The following XKR4 variants were observed in gnomAD, a reference collection of about 807,000 sequenced individuals.
The protein encoded by XKR4 is XK-related protein 4.
A neutral mutation model predicts 53.9 loss-of-function variants in XKR4; 12 were observed. That is an observed-to-expected ratio of 0.22 (90% CI 0.14 to 0.36). XKR4 has a LOEUF of 0.36. Ranked by LOEUF, XKR4 falls within the 10% of genes least tolerant of loss-of-function variation. XKR4 has a pLI of 1.00. For synonymous variants in XKR4, 354 were observed against 362.4 expected (o/e 0.98, Z 0.26); for missense variants, 799 against 859.5 (o/e 0.93, Z 0.88).
chr8:55,207,410 T>C (rs1289923812), intron 1 of XKR4, among the ~76,000 whole-genome samples: 2 of 152,154 alleles, frequency 1.3e-5, no homozygotes, highest in Admixed American at 6.5e-5. Context: ...CCCTAATTAT[T>C]CCATTCATTC....
At chr8:55,152,952 G>C (rs11990385) in intron 1 of XKR4, among the ~76,000 whole-genome samples, 50,069 of 152,036 alleles carry the variant, frequency 0.33, 9,075 homozygotes, top group African/African-American at 0.49. Flanking sequence ...TCTGGTACCT[G>C]TTCTTTATAG....
At chr8:55,378,089 T>C (rs895268857) in intron 2 of XKR4, among the ~76,000 whole-genome samples, 2 of 152,214 alleles carry the variant, frequency 1.3e-5, no homozygotes, top group African/African-American at 2.4e-5. Flanking sequence ...ATGAACAGTG[T>C]GAATGTTGGG....
At chr8:55,504,171 T>TTTG (rs1312965215) in intron 2 of XKR4, among the ~76,000 whole-genome samples, 1 of 149,182 alleles carries the variant, frequency 6.7e-6, no homozygotes, top group African/African-American at 2.5e-5. Flanking sequence ...AGTTTTCTTT[T>TTTG]TTGTTGTTGT....
At chr8:55,502,486 T>C (rs913215732) in intron 2 of XKR4, among the ~76,000 whole-genome samples, 6 of 152,228 alleles carry the variant, frequency 3.9e-5, no homozygotes, top group Non-Finnish European at 7.3e-5. Flanking sequence ...CTTAGTGATG[T>C]TGAGTATCTT....
At chr8:55,255,497 G>A (rs150103791) in intron 1 of XKR4, among the ~76,000 whole-genome samples, 1 of 152,170 alleles carries the variant, frequency 6.6e-6, no homozygotes, top group Non-Finnish European at 1.5e-5. Context: ...ATTTCATGAA[G>A]GCGAAGACTG....
rs186575980 is a variant in XKR4, at chr8:55,203,191, C to T, written c.806+99897C>T. ...ATTGTCTGTAATAATAAAGCACTGG[C>T]CCGCCAAGCACGGCGCCTGTAACTT... On this transcript the variant is annotated intron_variant, in intron 1 of 2. Transcript: ENST00000327381. Among the ~76,000 whole-genome samples the T allele has an allele frequency of 2.4e-4, 36 of 152,286 alleles. No homozygotes were observed. In the East Asian group the frequency reaches 4.2e-3, roughly 18 times the overall value.
At chr8:55,373,164 A>G (rs1467800043) in intron 2 of XKR4, among the ~76,000 whole-genome samples, 1 of 152,146 alleles carries the variant, frequency 6.6e-6, no homozygotes, top group East Asian at 1.9e-4. Flanking sequence ...CGAAAACTAC[A>G]AAAACTTTTG....
chr8:55,209,024 C>A (rs1364665118), intron 1 of XKR4, among the ~76,000 whole-genome samples: 1 of 151,994 alleles, frequency 6.6e-6, no homozygotes, highest in Non-Finnish European at 1.5e-5. Context: ...CTTTTTTTCT[C>A]TCATGTTTCA....
chr8:55,240,500 G>A (rs1818196734), intron 1 of XKR4, among the ~76,000 whole-genome samples: 1 of 152,208 alleles, frequency 6.6e-6, no homozygotes, highest in Non-Finnish European at 1.5e-5. Flanking sequence ...AGATAGGAAA[G>A]GCTCAAGAGC....
intron 1 of XKR4, among the ~76,000 whole-genome samples, chr8:55,309,107 C>T (rs776946188): frequency 3.9e-5 from 6 of 152,156 alleles, no homozygotes; most frequent in Non-Finnish European, 8.8e-5. Flanking sequence ...GAAACACAGC[C>T]CTGCCAACTC....
chr8:55,326,445 T>C (rs1225275128), intron 1 of XKR4, among the ~76,000 whole-genome samples: 1 of 151,382 alleles, frequency 6.6e-6, no homozygotes, highest in Non-Finnish European at 1.5e-5. Context: ...CTACACAATA[T>C]TCCCCTCAAC....
At chr8:55,407,533 A>G (rs1804702540) in intron 2 of XKR4, among the ~76,000 whole-genome samples, 1 of 152,252 alleles carries the variant, frequency 6.6e-6, no homozygotes, top group East Asian at 1.9e-4. Flanking sequence ...ACTGAGAGGC[A>G]GCTCCATGCA....
intron 1 of XKR4, among the ~76,000 whole-genome samples, chr8:55,147,022 TA>T (rs1278606203): frequency 3.9e-5 from 6 of 152,176 alleles, no homozygotes; most frequent in African/African-American, 1.4e-4. Flanking sequence ...TTTTTGAAAA[TA>T]ATTTGGGCAC....
chr8:55,398,168 T>C (rs1804549786), intron 2 of XKR4, among the ~76,000 whole-genome samples: 1 of 152,082 alleles, frequency 6.6e-6, no homozygotes, highest in South Asian at 2.1e-4. Context: ...TTTCAAAACC[T>C]CCCTCTATCT....
chr8:55,375,483 G>A (rs1349286682), intron 2 of XKR4, among the ~76,000 whole-genome samples: 1 of 152,030 alleles, frequency 6.6e-6, no homozygotes, highest in African/African-American at 2.4e-5. Flanking sequence ...CCTGCCCAAG[G>A]TCTTGGTCTG....
intron 1 of XKR4, among the ~76,000 whole-genome samples, chr8:55,200,926 T>C (rs1817570596): frequency 6.6e-6 from 1 of 152,248 alleles, no homozygotes. Context: ...TAGTTAACAA[T>C]GGGCTAACTG....
chr8:55,490,151 A>C (rs969846214), intron 2 of XKR4, among the ~76,000 whole-genome samples: 1 of 152,180 alleles, frequency 6.6e-6, no homozygotes, highest in Non-Finnish European at 1.5e-5. Context: ...AACTGTCTAT[A>C]ATATTTCTTA....
intron 1 of XKR4, among the ~76,000 whole-genome samples, chr8:55,239,451 G>A (rs1818177755): frequency 6.6e-6 from 1 of 152,170 alleles, no homozygotes; most frequent in African/African-American, 2.4e-5. Flanking sequence ...AAACCAAGTA[G>A]CATCTTTGCA....
intron 2 of XKR4, chr8:55,450,598 C>G: frequency 1.4e-6 from 1 of 716,358 alleles, no homozygotes; most frequent in South Asian, 1.4e-5. Context: ...TGAACTCAAA[C>G]TCCATGGGGA....
Sources: gnomAD v4.1 joint callset for allele counts (sites outside exome capture counted in the v4.1 genomes callset) on GRCh38, gnomAD v4.1.1 for gene constraint, MANE v1.5 for transcripts, NCBI Gene and HGNC (gene_info 2026-07-23, HGNC 2026-07-21) for gene names.